Variants in FBXO21 observed in about 807,000 individuals in gnomAD.
FBXO21 encodes the protein F-box only protein 21.
A neutral mutation model predicts 76.6 loss-of-function variants in FBXO21; 32 were observed. That is an observed-to-expected ratio of 0.42 (90% CI 0.32 to 0.56). The LOEUF (loss-of-function observed/expected upper bound fraction) is 0.56, where lower values mean the gene tolerates loss of function less well. Among genes scored for constraint, FBXO21 ranks in the 20% least tolerant of loss-of-function variants. The pLI, the probability that FBXO21 is intolerant of heterozygous loss-of-function variation, is 0.16. For missense variants in FBXO21, 586 were observed against 797.3 expected, an observed-to-expected ratio of 0.73 and a Z score of 3.19; for synonymous variants, 328 against 311.5, an observed-to-expected ratio of 1.05 and a Z score of -0.56.
In FBXO21 at chr12:117,174,325, T is replaced by G. The variant is rs1956152285; in HGVS notation, c.756A>C (p.Ile252=). ...LAFKAGESSM[I]MEIELQSQVL... Reference sequence around the variant, plus strand: ...CCTGGCTCTGGAGTTCTATTTCCATTATCATGGATGATTCACCTGAAACAC... The same window carrying G: ...CCTGGCTCTGGAGTTCTATTTCCATGATCATGGATGATTCACCTGAAACAC... The change falls in exon 6 of 12, where the codon ATA becomes ATC. Residue 252 remains isoleucine, a synonymous_variant. Transcript: ENST00000622495. 6.2e-7 allele frequency: 1 copy of G among 1,614,030 alleles called. No individual in the cohort carries two copies. Among genetic ancestry groups the G allele is most frequent in the African/African-American group, 1.3e-5 (1 of 75,030 alleles).
At chr12:117,166,647 C>G in intron 8 of FBXO21, among the ~76,000 whole-genome samples, 1 of 152,146 alleles carries the variant, frequency 6.6e-6, no homozygotes, top group Non-Finnish European at 1.5e-5. Context: ...GTTTTCTTAT[C>G]TAATGATAGG....
intron 1 of FBXO21, among the ~76,000 whole-genome samples, 166 bp downstream of exon 1, chr12:117,190,052 C>T (rs1460009390): frequency 2.0e-5 from 3 of 151,964 alleles, no homozygotes; most frequent in Non-Finnish European, 2.9e-5. Flanking sequence ...CTGGCGTGGC[C>T]CCGCAGGGTC....
At chr12:117,183,436 T>A (rs1956254804) in intron 3 of FBXO21, among the ~76,000 whole-genome samples, 1 of 152,154 alleles carries the variant, frequency 6.6e-6, no homozygotes, top group African/African-American at 2.4e-5. Context: ...ATTTTTGTAT[T>A]TTTTGTAGAG....
Position 117,186,469 on chromosome 12 carries a change from T to C in FBXO21, c.470+8A>G, listed in dbSNP as rs1279623167. On this transcript the variant is annotated splice_region_variant and intron_variant, in intron 3 of 11. Transcript: ENST00000622495. ...AGCAAACAAATCCCTGCTAAAGCTATGGCTTACCTTCCTTCCATATTTAGG... is the reference window on the plus strand; with the variant it reads ...AGCAAACAAATCCCTGCTAAAGCTACGGCTTACCTTCCTTCCATATTTAGG... 6.3e-7 allele frequency: 1 copy of C among 1,588,322 alleles called. No individual in the cohort carries two copies. The highest frequency in any genetic ancestry group is 1.7e-5 in the Admixed American group (1 of 59,546).
intron 2 of FBXO21, 110 bp downstream of exon 2, chr12:117,189,117 T>C (rs2135891808): frequency 8.1e-7 from 1 of 1,228,540 alleles, no homozygotes; most frequent in East Asian, 2.3e-5. Context: ...TAAGGGATTG[T>C]GAGAGCATTG....
intron 9 of FBXO21, among the ~76,000 whole-genome samples, chr12:117,162,164 G>A (rs796963237): frequency 4.6e-5 from 7 of 152,332 alleles, no homozygotes; most frequent in African/African-American, 1.7e-4. Context: ...AGAGAGGGGT[G>A]TTTGCCTTGG....
chr12:117,190,010 T>C (rs1020617712), intron 1 of FBXO21, among the ~76,000 whole-genome samples: 1 of 151,850 alleles, frequency 6.6e-6, no homozygotes, highest in Non-Finnish European at 1.5e-5. Context: ...GAGGCGCTCC[T>C]AGATGCGCCA....
rs543435997 is a variant in FBXO21, at chr12:117,162,553, G to A, written c.1326+2932C>T. On this transcript the variant is annotated intron_variant, in intron 9 of 11. Coordinates refer to ENST00000622495, the MANE Select transcript of FBXO21 (RefSeq NM_015002.3). Reference sequence around the variant, plus strand: ...TCCCGACTTAAAATCTCACCATCCCGCCCTCTCTATGTCCATACAGCCGTC... The same window carrying A: ...TCCCGACTTAAAATCTCACCATCCCACCCTCTCTATGTCCATACAGCCGTC... 4.8e-4 allele frequency among the ~76,000 whole-genome samples: 73 copies of A among 152,252 alleles called. No individual in the cohort carries two copies. The South Asian group carries it at 6.8e-3, about 14-fold the overall frequency.
At chr12:117,153,533 T>C (rs1481322841) in intron 11 of FBXO21, among the ~76,000 whole-genome samples, 1 of 152,138 alleles carries the variant, frequency 6.6e-6, no homozygotes, top group African/African-American at 2.4e-5. Flanking sequence ...AGAACACGGC[T>C]TTGGGAGTCA....
Position 117,144,612 on chromosome 12 carries a change from C to G in FBXO21, c.*1475G>C, listed in dbSNP as rs1023823622. 6.6e-6 allele frequency: 1 copy of G among 152,132 alleles called. No individual in the cohort carries two copies. The highest frequency in any genetic ancestry group is 1.5e-5 in the Non-Finnish European group (1 of 68,028). 9.4% of individuals were successfully genotyped at this position (152,132 alleles called of 1,614,324 possible). Reference sequence around the variant, plus strand: ...TGGACAGACAGGTGCAGAGACAGGCCCCTAACGCCCCATTCACTAGAGCAA... The same window carrying G: ...TGGACAGACAGGTGCAGAGACAGGCGCCTAACGCCCCATTCACTAGAGCAA... On this transcript the variant is annotated 3_prime_UTR_variant, in exon 12 of 12. Transcript: ENST00000622495.
chr12:117,186,297 T>C (rs538791391), intron 3 of FBXO21, among the ~76,000 whole-genome samples, 180 bp downstream of exon 3: 88 of 152,244 alleles, frequency 5.8e-4, no homozygotes, highest in Non-Finnish European at 9.8e-4. Context: ...GTAAGGTTTC[T>C]TTATATGTCA....
At chr12:117,154,614 A>C (rs7974581) in intron 11 of FBXO21, among the ~76,000 whole-genome samples, 27,551 of 152,002 alleles carry the variant, frequency 0.18, 3,131 homozygotes, top group East Asian at 0.41. Flanking sequence ...ACAGGTGCAC[A>C]TGACTCTGCC....
chr12:117,157,796 G>A, intron 10 of FBXO21, 77 bp downstream of exon 10: 1 of 1,307,534 alleles, frequency 7.6e-7, no homozygotes, highest in South Asian at 1.5e-5. Flanking sequence ...TGTGTCCTGG[G>A]GGCTCACCAG....
At chr12:117,176,253 A>C (rs1956172702) in intron 4 of FBXO21, among the ~76,000 whole-genome samples, 1 of 152,232 alleles carries the variant, frequency 6.6e-6, no homozygotes, top group Non-Finnish European at 1.5e-5. Context: ...AGGTGAGTAA[A>C]ATCTCCAAGT....
chr12:117,148,743 C>A (rs542011614), intron 11 of FBXO21, among the ~76,000 whole-genome samples: 1 of 152,272 alleles, frequency 6.6e-6, no homozygotes, highest in East Asian at 1.9e-4. Flanking sequence ...AAGAAAAATC[C>A]AACAGTCAGG....
chr12:117,177,948 T>A (rs533383173), intron 3 of FBXO21, among the ~76,000 whole-genome samples: 116 of 152,244 alleles, frequency 7.6e-4, no homozygotes, highest in African/African-American at 2.6e-3. Context: ...TGGGGAGGCA[T>A]CTAGAACCTT....
chr12:117,155,581 C>T (rs1955905350), intron 11 of FBXO21: 1 of 610,268 alleles, frequency 1.6e-6, no homozygotes, highest in East Asian at 2.8e-5. Flanking sequence ...TGGGGGAGGG[C>T]GGGTATGACT....
chr12:117,178,959 C>A (rs1274417254), intron 3 of FBXO21, among the ~76,000 whole-genome samples: 1 of 152,112 alleles, frequency 6.6e-6, no homozygotes, highest in Non-Finnish European at 1.5e-5. Context: ...TAGCATCTGG[C>A]ACATAGTAGA....
chr12:117,190,417 G>T lies in FBXO21; in HGVS notation c.40C>A (p.Pro14Thr). Residue 14 changes from proline (P) to threonine (T), a missense_variant, in exon 1 of 12, where the codon CCG (proline) becomes ACG (threonine). By Grantham distance (38) the Pro-to-Thr change is conservative. Coordinates refer to ENST00000622495, the MANE Select transcript of FBXO21 (RefSeq NM_015002.3). ...AAVDSAMEVV[P>T]ALAEEAAPEV... Reference sequence around the variant, plus strand: ...GGCGCGGCCTCCTCCGCCAGCGCCGGCACCACCTCCATCGCGCTGTCGACT... The same window carrying T: ...GGCGCGGCCTCCTCCGCCAGCGCCGTCACCACCTCCATCGCGCTGTCGACT... 1.4e-6 allele frequency: 2 copies of T among 1,474,932 alleles called. No individual in the cohort carries two copies. The highest frequency in any genetic ancestry group is 1.8e-6 in the Non-Finnish European group (2 of 1,112,780). 91.4% of individuals were successfully genotyped at this position (1,474,932 alleles called of 1,614,324 possible).
Sources: gnomAD v4.1 joint callset for allele counts (sites outside exome capture counted in the v4.1 genomes callset) on GRCh38, gnomAD v4.1.1 for gene constraint, MANE v1.5 for transcripts, NCBI Gene and HGNC (gene_info 2026-07-23, HGNC 2026-07-21) for gene names.